PRKCA: variants seen among roughly 807,000 people sequenced by gnomAD.
The protein encoded by PRKCA is protein kinase C alpha type.
Under a neutral mutation model 87.0 loss-of-function variants are expected in PRKCA, and 27 were observed. The ratio of observed to expected loss-of-function variants is 0.31; its 90% CI spans 0.23 to 0.43. PRKCA has a LOEUF of 0.43. Ranked by LOEUF, PRKCA falls within the 20% of genes least tolerant of loss-of-function variation. The probability of loss-of-function intolerance (pLI) is 1.00; values close to 1 mark genes in which losing one functional copy is unlikely to be tolerated. For missense variants in PRKCA, 518 were observed against 852.3 expected (o/e 0.61, Z 4.88); for synonymous variants, 329 against 311.1 (o/e 1.06, Z -0.61).
At chr17:66,436,476 A>G (rs115391789) in intron 2 of PRKCA, among the ~76,000 whole-genome samples, 272 of 152,358 alleles carry the variant, frequency 1.8e-3, no homozygotes, top group African/African-American at 6.2e-3. Context: ...TGGTTAGAAC[A>G]GTGCCTGGCG....
At chr17:66,739,734 G>T (rs1974115439) in intron 11 of PRKCA, among the ~76,000 whole-genome samples, 1 of 151,948 alleles carries the variant, frequency 6.6e-6, no homozygotes, top group Admixed American at 6.6e-5. Context: ...CTCAGCAGGT[G>T]TGGGAGATGC....
chr17:66,736,312 C>T (rs183239022), intron 10 of PRKCA, among the ~76,000 whole-genome samples: 12 of 150,578 alleles, frequency 8.0e-5, no homozygotes, highest in Admixed American at 4.0e-4. Context: ...GAGTCACTCT[C>T]TCTTCCCCAG....
chr17:66,671,270 A>T (rs1972176434), intron 5 of PRKCA, among the ~76,000 whole-genome samples: 1 of 148,788 alleles, frequency 6.7e-6, no homozygotes, highest in Non-Finnish European at 1.5e-5. Context: ...AGACAGAGGG[A>T]CAACAACAAG....
chr17:66,469,063 C>T (rs1289567789), intron 2 of PRKCA, among the ~76,000 whole-genome samples: 3 of 152,176 alleles, frequency 2.0e-5, no homozygotes, highest in Non-Finnish European at 4.4e-5. Flanking sequence ...TCCCCTTCCC[C>T]TACAGATGCC....
intron 3 of PRKCA, among the ~76,000 whole-genome samples, chr17:66,521,299 G>A (rs1387285394): frequency 2.0e-5 from 3 of 152,166 alleles, no homozygotes; most frequent in Non-Finnish European, 4.4e-5. Flanking sequence ...ATATTATAGT[G>A]ATGGCGATCT....
intron 3 of PRKCA, among the ~76,000 whole-genome samples, chr17:66,608,591 G>A (rs899636518): frequency 2.0e-5 from 3 of 152,156 alleles, no homozygotes; most frequent in Admixed American, 6.5e-5. Flanking sequence ...GAATTCAGGG[G>A]TCCTCCAGAT....
intron 3 of PRKCA, among the ~76,000 whole-genome samples, chr17:66,572,546 G>C (rs957873222): frequency 3.3e-5 from 5 of 152,142 alleles, no homozygotes; most frequent in Admixed American, 1.3e-4. Flanking sequence ...GTTCCAGTTA[G>C]TCAAATTATC....
chr17:66,522,426 A>G (rs547933846), intron 3 of PRKCA, among the ~76,000 whole-genome samples: 15 of 152,134 alleles, frequency 9.9e-5, no homozygotes, highest in Non-Finnish European at 2.1e-4. Flanking sequence ...GACCGAAAGG[A>G]GAGAATAGGC....
chr17:66,689,125 CATTT>C lies in PRKCA; in HGVS notation c.918+79_918+82del. ...AGGAACGGCCGAGATGTTGTGGTCA[CATTT>C]TTGAAAAGCAAAAAAAAAGTAATCT... On this transcript the variant is annotated intron_variant, in intron 8 of 16. Transcript: ENST00000413366. The surrounding 1 kb of genome is among the most constrained non-coding windows in gnomAD (Gnocchi z 4.1). The C allele has an allele frequency of 6.6e-6, 6 of 905,390 alleles. No homozygotes were observed. Among genetic ancestry groups the C allele is most frequent in the Non-Finnish European group, 6.6e-6 (4 of 603,296 alleles). 56.1% of individuals were successfully genotyped at this position (905,390 alleles called of 1,614,324 possible).
intron 8 of PRKCA, among the ~76,000 whole-genome samples, chr17:66,698,819 CAAAAAAA>C (rs59309576): frequency 9.7e-6 from 1 of 102,794 alleles, no homozygotes; most frequent in African/African-American, 3.5e-5. Context: ...ACTAAAAATA[CAAAAAAA>C]AAAAAAAAAA....
chr17:66,657,282 G>T (rs1338138440), intron 5 of PRKCA, among the ~76,000 whole-genome samples: 2 of 152,182 alleles, frequency 1.3e-5, no homozygotes, highest in African/African-American at 2.4e-5. Flanking sequence ...GATAGTCAGG[G>T]TCCCTTTTCA....
intron 3 of PRKCA, among the ~76,000 whole-genome samples, chr17:66,529,778 C>T (rs76127093): frequency 0.027 from 4,173 of 152,246 alleles, 173 homozygotes; most frequent in African/African-American, 0.095. Flanking sequence ...TGCTAAGTCC[C>T]TGAGTACTGT....
intron 2 of PRKCA, chr17:66,339,700 C>T (rs913692626): frequency 6.6e-6 from 1 of 152,078 alleles, no homozygotes; most frequent in Non-Finnish European, 1.5e-5. Flanking sequence ...GTTGCTTTTC[C>T]TTGACTCTCT....
At chr17:66,511,267 G>A (rs1598731574) in intron 3 of PRKCA, among the ~76,000 whole-genome samples, 1 of 152,236 alleles carries the variant, frequency 6.6e-6, no homozygotes, top group Middle Eastern at 3.4e-3. Flanking sequence ...GTGGAGGTGG[G>A]TGATTTTAGG....
At chr17:66,721,970 C>T (rs1973626334) in intron 8 of PRKCA, among the ~76,000 whole-genome samples, 1 of 152,034 alleles carries the variant, frequency 6.6e-6, no homozygotes, top group South Asian at 2.1e-4. Flanking sequence ...TCAGAGGCTG[C>T]CCAGGAGTTC....
chr17:66,728,800 T>G (rs551534070), intron 8 of PRKCA, among the ~76,000 whole-genome samples: 5 of 152,242 alleles, frequency 3.3e-5, no homozygotes, highest in Non-Finnish European at 5.9e-5. Context: ...GAAGGCGGAA[T>G]GACTGTCTGG....
intron 3 of PRKCA, among the ~76,000 whole-genome samples, chr17:66,503,301 CG>C (rs1916828756): frequency 6.6e-6 from 1 of 152,140 alleles, no homozygotes; most frequent in African/African-American, 2.4e-5. Context: ...TGAACCGTCC[CG>C]TTGAACAGAA....
intron 8 of PRKCA, among the ~76,000 whole-genome samples, chr17:66,705,128 A>C (rs1225434223): frequency 6.6e-6 from 1 of 152,188 alleles, no homozygotes; most frequent in African/African-American, 2.4e-5. Flanking sequence ...TTTGTCCCTA[A>C]ATAGCTTACT....
At position 66,440,212 on chromosome 17, in the gene PRKCA, G is replaced by A. The variant is rs554393992; in HGVS notation, c.206-55989G>A. Among the ~76,000 whole-genome samples, 114 of 152,242 alleles carry A rather than the reference G, an allele frequency of 7.5e-4. 5 individuals carry two copies. The South Asian group carries it at 0.023, about 31-fold the overall frequency. On this transcript the variant is annotated intron_variant, in intron 2 of 16. Transcript: ENST00000413366. ...TGATTAAACTCAAGTGACTGACAAG[G>A]CGAATAAAAATAGCCCAAAATGAGT...
Sources: allele counts gnomAD v4.1 joint callset (sites outside exome capture counted in the v4.1 genomes callset), GRCh38; gene constraint gnomAD v4.1.1; non-coding constraint Gnocchi (gnomAD v3.1); transcripts MANE v1.5; gene names NCBI Gene and HGNC (gene_info 2026-07-23, HGNC 2026-07-21).